Variants in FGD4 observed in about 807,000 individuals in gnomAD.
The protein encoded by FGD4 is FYVE, RhoGEF and PH domain containing 4.
In FGD4, 42 loss-of-function variants were observed where a neutral mutation model predicts 102.0. The ratio of observed to expected loss-of-function variants is 0.41; its 90% CI spans 0.32 to 0.53. The LOEUF (loss-of-function observed/expected upper bound fraction) is 0.53. Among genes scored for constraint, FGD4 ranks in the 20% least tolerant of loss-of-function variants. FGD4 has a pLI of 0.21. For synonymous variants in FGD4, 380 were observed against 375.7 expected (o/e 1.01, Z -0.13); for missense variants, 902 against 1,078.2 (o/e 0.84, Z 2.29).
intron 1 of FGD4, among the ~76,000 whole-genome samples, chr12:32,480,156 GT>G (rs1378780662): frequency 2.7e-5 from 4 of 146,546 alleles, no homozygotes; most frequent in Non-Finnish European, 6.0e-5. Flanking sequence ...GTTTGTGGGG[GT>G]TTTTTTTGTT....
Position 32,620,458 on chromosome 12 carries a change from T to G in FGD4, c.1922+588T>G, listed in dbSNP as rs899085230. Among the ~76,000 whole-genome samples the G allele has an allele frequency of 4.6e-5, 7 of 151,948 alleles. 2 individuals carry two copies. In the South Asian group the frequency reaches 1.0e-3, roughly 23 times the overall value. On this transcript the variant is annotated intron_variant, in intron 11 of 16. Transcript: ENST00000534526. ...TCTTCTTATATTTTTATTTATTGAT[T>G]GGGAGAGAAAGGTTTGGAGTTCTGG... is the stretch of plus-strand genomic sequence containing the variant.
chr12:32,469,996 T>C (rs976403527), intron 1 of FGD4, among the ~76,000 whole-genome samples: 2 of 152,178 alleles, frequency 1.3e-5, no homozygotes, highest in Non-Finnish European at 2.9e-5. Flanking sequence ...GGGTTGATAA[T>C]ATTTTATTTA....
chr12:32,431,703 G>A (rs1028326931), intron 1 of FGD4, among the ~76,000 whole-genome samples: 3 of 151,718 alleles, frequency 2.0e-5, no homozygotes, highest in African/African-American at 7.3e-5. Context: ...AGCCTGGGAG[G>A]TGGAGGTTGC....
At chr12:32,407,102 C>A (rs916212817) in intron 1 of FGD4, among the ~76,000 whole-genome samples, 2 of 148,846 alleles carry the variant, frequency 1.3e-5, no homozygotes, top group Non-Finnish European at 3.0e-5. Flanking sequence ...TGAGCCACCA[C>A]GCCCGGCCAA....
chr12:32,481,022 G>T (rs997662870), intron 1 of FGD4, among the ~76,000 whole-genome samples: 1 of 149,784 alleles, frequency 6.7e-6, no homozygotes. Context: ...TCCCTATGTT[G>T]CCCGGGCTGG....
At chr12:32,473,671 A>G (rs1023991107) in intron 1 of FGD4, among the ~76,000 whole-genome samples, 1 of 152,152 alleles carries the variant, frequency 6.6e-6, no homozygotes, top group Non-Finnish European at 1.5e-5. Flanking sequence ...AGCTCATCTC[A>G]AACTGAAGAC....
intron 1 of FGD4, among the ~76,000 whole-genome samples, chr12:32,560,891 T>TA (rs1203839021): frequency 4.6e-5 from 7 of 151,884 alleles, no homozygotes; most frequent in African/African-American, 1.7e-4. Flanking sequence ...GGCAGGGTCT[T>TA]ATGTTGCCCA....
intron 8 of FGD4, among the ~76,000 whole-genome samples, chr12:32,609,961 A>C (rs143216587): frequency 0.014 from 2,121 of 152,270 alleles, 33 homozygotes; most frequent in Non-Finnish European, 0.015. Flanking sequence ...TGTCCACACC[A>C]AAGAGTTCCC....
chr12:32,631,120 T>G (rs559731691), intron 14 of FGD4, among the ~76,000 whole-genome samples: 1 of 152,254 alleles, frequency 6.6e-6, no homozygotes, highest in Non-Finnish European at 1.5e-5. Flanking sequence ...TGTTTCTGAT[T>G]GTAAGTTAAT....
At chr12:32,570,820 T>A (rs1414470753) in intron 2 of FGD4, among the ~76,000 whole-genome samples, 1 of 152,200 alleles carries the variant, frequency 6.6e-6, no homozygotes, top group Non-Finnish European at 1.5e-5. Context: ...AAAAGTCTTA[T>A]CTGGGTCTGT....
At chr12:32,491,327 A>G (rs553535613) in intron 1 of FGD4, among the ~76,000 whole-genome samples, 82 of 152,310 alleles carry the variant, frequency 5.4e-4, no homozygotes, top group African/African-American at 1.9e-3. Context: ...CTTCTAGTAA[A>G]TAGTGCTGTG....
At chr12:32,617,792 T>C (rs57389939) in intron 10 of FGD4, among the ~76,000 whole-genome samples, 4,218 of 152,334 alleles carry the variant, frequency 0.028, 218 homozygotes, top group African/African-American at 0.097. Context: ...ACAAGGTTCA[T>C]GGAGGGAACA....
At chr12:32,545,356 C>T (rs1943149350) in intron 1 of FGD4, among the ~76,000 whole-genome samples, 1 of 152,166 alleles carries the variant, frequency 6.6e-6, no homozygotes, top group Admixed American at 6.5e-5. Flanking sequence ...GGTCACACCA[C>T]TAGCTGGGGA....
At chr12:32,461,787 C>T (rs540000427) in intron 1 of FGD4, among the ~76,000 whole-genome samples, 41 of 152,194 alleles carry the variant, frequency 2.7e-4, no homozygotes, top group African/African-American at 9.2e-4. Flanking sequence ...AGTGCAGTGC[C>T]GCGATCTCAG....
At chr12:32,457,590 G>A (rs769136075) in intron 1 of FGD4, among the ~76,000 whole-genome samples, 3 of 152,196 alleles carry the variant, frequency 2.0e-5, no homozygotes, top group Non-Finnish European at 2.9e-5. Context: ...GGAATAACAT[G>A]TACTGTTAAC....
chr12:32,533,449 GGAGT>G (rs1941977557), intron 1 of FGD4, among the ~76,000 whole-genome samples: 1 of 152,134 alleles, frequency 6.6e-6, no homozygotes, highest in South Asian at 2.1e-4. Flanking sequence ...TTTTTGAGAT[GGAGT>G]CTCACTCTGT....
intron 11 of FGD4, among the ~76,000 whole-genome samples, chr12:32,621,766 T>A (rs1476044235): frequency 6.6e-6 from 1 of 152,194 alleles, no homozygotes; most frequent in Non-Finnish European, 1.5e-5. Context: ...TACCTCATGG[T>A]GGGTTTGGGC....
chr12:32,568,966 T>A (rs1201276609), intron 2 of FGD4, among the ~76,000 whole-genome samples: 1 of 152,208 alleles, frequency 6.6e-6, no homozygotes, highest in Admixed American at 6.5e-5. Context: ...TTAGTGTATA[T>A]GAAACTGAAC....
chr12:32,576,539 A>G (rs1429059104), intron 3 of FGD4, 90 bp downstream of exon 3: 18 of 1,408,500 alleles, frequency 1.3e-5, no homozygotes, highest in Non-Finnish European at 1.5e-5. Flanking sequence ...CTAAATAAAA[A>G]GCATAATATC....
Sources: allele counts gnomAD v4.1 joint callset (sites outside exome capture counted in the v4.1 genomes callset), GRCh38; gene constraint gnomAD v4.1.1; transcripts MANE v1.5; gene names NCBI Gene and HGNC (gene_info 2026-07-23, HGNC 2026-07-21).